RIPOR3: variants seen among roughly 807,000 people sequenced by gnomAD.
RIPOR3 encodes RIPOR family member 3, also known as family with sequence similarity 65 member C.
A neutral mutation model predicts 114.3 loss-of-function variants in RIPOR3; 95 were observed. That is an observed-to-expected ratio of 0.83 (90% CI 0.70 to 0.99). RIPOR3 has a LOEUF of 0.99. Among genes scored for constraint, RIPOR3 ranks in the 50% least tolerant of loss-of-function variants. The pLI is 0.00. For synonymous variants in RIPOR3, 575 were observed against 543.8 expected (o/e 1.06, Z -0.80); for missense variants, 1,252 against 1,266.9 (o/e 0.99, Z 0.18).
intron 20 of RIPOR3, among the ~76,000 whole-genome samples, chr20:50,588,124 T>A (rs1260469929): frequency 6.6e-6 from 1 of 152,232 alleles, no homozygotes; most frequent in Non-Finnish European, 1.5e-5. Flanking sequence ...GCCAGGCTGT[T>A]AGCAGAACTC....
At chr20:50,623,002 A>G (rs201178855) in intron 2 of RIPOR3, among the ~76,000 whole-genome samples, 2 of 152,166 alleles carry the variant, frequency 1.3e-5, no homozygotes, top group East Asian at 3.9e-4. Flanking sequence ...TGTGGCTCAC[A>G]CCTATAATCC....
chr20:50,648,113 TA>T (rs2085479456), intron 1 of RIPOR3, among the ~76,000 whole-genome samples: 1 of 151,478 alleles, frequency 6.6e-6, no homozygotes, highest in South Asian at 2.1e-4. Context: ...CCATCTCTAC[TA>T]AAAATATAAA....
At chr20:50,688,806 G>C (rs1428864106) in intron 1 of RIPOR3, among the ~76,000 whole-genome samples, 3 of 152,112 alleles carry the variant, frequency 2.0e-5, no homozygotes, top group African/African-American at 7.2e-5. Flanking sequence ...AAGCAGGAAG[G>C]ATGAATAAAA....
chr20:50,689,232 A>C (rs975076955), intron 1 of RIPOR3, among the ~76,000 whole-genome samples: 5 of 140,668 alleles, frequency 3.6e-5, no homozygotes. Context: ...GCTGGAGTGC[A>C]GTGGCACGAT....
rs1458354502 is a variant in RIPOR3, at chr20:50,609,711, C to G, written c.438G>C (p.Leu146=). 7.3e-7 allele frequency: 1 copy of G among 1,378,156 alleles called. No homozygotes were observed. The highest frequency in any genetic ancestry group is 2.9e-5 in the East Asian group (1 of 34,256). The allele number at this position is 1,378,156 out of a possible 1,614,324, so 85.4% of individuals were successfully genotyped here. A position where few individuals can be genotyped will look rare whatever the true frequency, so the allele number is the denominator to read the frequency against. ...MEFHISKVDE[L]YEDYCIQCRL... is the part of the protein sequence containing the mutation. ...GGCACTGGATGCAGTAGTCCTCGTA[C>G]AGCTCATCCACCTGTGGTGGGCACA... The change falls in exon 7 of 22, where the codon CTG becomes CTC. Residue 146 remains leucine (L), a synonymous_variant. Transcript: ENST00000327979.
chr20:50,641,611 G>A (rs1226711225), intron 1 of RIPOR3, among the ~76,000 whole-genome samples: 1 of 152,162 alleles, frequency 6.6e-6, no homozygotes, highest in Non-Finnish European at 1.5e-5. Flanking sequence ...TCATAGCACG[G>A]CCCTGCCCTT....
chr20:50,656,787 C>T (rs912857013), intron 1 of RIPOR3, among the ~76,000 whole-genome samples: 6 of 152,182 alleles, frequency 3.9e-5, no homozygotes, highest in African/African-American at 7.2e-5. Flanking sequence ...CGTGAGCTAC[C>T]GTGCCCGGCC....
intron 1 of RIPOR3, among the ~76,000 whole-genome samples, chr20:50,689,935 G>A (rs1238256658): frequency 6.6e-6 from 1 of 152,206 alleles, no homozygotes; most frequent in Non-Finnish European, 1.5e-5. Flanking sequence ...ACTCTGGCCC[G>A]ATGCCTGGAA....
chr20:50,663,509 C>T (rs1379295664), intron 1 of RIPOR3, among the ~76,000 whole-genome samples: 1 of 152,170 alleles, frequency 6.6e-6, no homozygotes, highest in African/African-American at 2.4e-5. Flanking sequence ...TCTGTGAATA[C>T]TAATTAGGAT....
intron 1 of RIPOR3, among the ~76,000 whole-genome samples, chr20:50,676,588 G>C (rs897517685): frequency 6.6e-6 from 1 of 151,926 alleles, no homozygotes; most frequent in African/African-American, 2.4e-5. Flanking sequence ...GGAGGTCAAG[G>C]CTGCAGTGAG....
At chr20:50,597,556 A>G (rs1356585186) in intron 14 of RIPOR3, 24 bp downstream of exon 14, 2 of 1,590,890 alleles carry the variant, frequency 1.3e-6, no homozygotes, top group African/African-American at 2.7e-5. Flanking sequence ...CCACTGGGTC[A>G]CTGCTGGAAG....
chr20:50,592,968 A>T, intron 18 of RIPOR3, 67 bp downstream of exon 18: 1 of 1,572,396 alleles, frequency 6.4e-7, no homozygotes, highest in South Asian at 1.1e-5. Flanking sequence ...TTATAACCTG[A>T]GAAACTGCAT....
chr20:50,594,220 G>A (rs1050176024), intron 17 of RIPOR3, among the ~76,000 whole-genome samples: 5 of 149,938 alleles, frequency 3.3e-5, no homozygotes, highest in Admixed American at 6.7e-5. Context: ...AGGTTGCAGT[G>A]AGCCATGATT....
chr20:50,638,982 C>T (rs1038164349), intron 1 of RIPOR3, among the ~76,000 whole-genome samples: 21 of 152,168 alleles, frequency 1.4e-4, no homozygotes, highest in Non-Finnish European at 1.9e-4. Context: ...TGGCTCATGC[C>T]TATAATCCCA....
At chr20:50,641,364 G>A (rs1452773505) in intron 1 of RIPOR3, among the ~76,000 whole-genome samples, 1 of 152,134 alleles carries the variant, frequency 6.6e-6, no homozygotes, top group Non-Finnish European at 1.5e-5. Flanking sequence ...ACAGGTATGT[G>A]CCACTGCACC....
chr20:50,620,997 A>C, intron 2 of RIPOR3: 1 of 518,252 alleles, frequency 1.9e-6, no homozygotes, highest in East Asian at 4.5e-5. Context: ...GTGGGGACAC[A>C]CATCCACGCC....
intron 1 of RIPOR3, among the ~76,000 whole-genome samples, chr20:50,640,639 G>A (rs1267047656): frequency 1.1e-4 from 16 of 148,788 alleles, no homozygotes; most frequent in African/African-American, 3.1e-4. Context: ...GCCCCCCTCC[G>A]CAGGGCTGGA....
intron 1 of RIPOR3, among the ~76,000 whole-genome samples, chr20:50,677,560 T>C (rs1385108278): frequency 1.3e-5 from 2 of 151,702 alleles, no homozygotes; most frequent in African/African-American, 4.8e-5. Context: ...TTAGTAAAAA[T>C]GGGTTTTCAC....
intron 1 of RIPOR3, among the ~76,000 whole-genome samples, chr20:50,642,072 C>T (rs1267048152): frequency 6.6e-6 from 1 of 152,186 alleles, no homozygotes; most frequent in Non-Finnish European, 1.5e-5. Context: ...GCTCCTCCTG[C>T]TCCCACTTCC....
Sources: allele counts gnomAD v4.1 joint callset (sites outside exome capture counted in the v4.1 genomes callset), GRCh38; gene constraint gnomAD v4.1.1; transcripts MANE v1.5; gene names NCBI Gene and HGNC (gene_info 2026-07-23, HGNC 2026-07-21).